The following RNF8 variants were observed in gnomAD, a reference collection of about 807,000 sequenced individuals.
RNF8 encodes E3 ubiquitin-protein ligase RNF8.
A neutral mutation model predicts 59.3 loss-of-function variants in RNF8; 8 were observed. The ratio of observed to expected loss-of-function variants is 0.13; its 90% CI spans 0.08 to 0.24. The LOEUF is 0.24. Among genes scored for constraint, RNF8 ranks in the 10% least tolerant of loss-of-function variants. The pLI is 1.00. For synonymous variants in RNF8, 162 were observed against 200.0 expected, an observed-to-expected ratio of 0.81 and a Z score of 1.60; for missense variants, 406 against 572.6, an observed-to-expected ratio of 0.71 and a Z score of 2.97.
intron 2 of RNF8, among the ~76,000 whole-genome samples, chr6:37,368,217 G>A (rs558224182): frequency 1.3e-5 from 2 of 152,224 alleles, no homozygotes; most frequent in Admixed American, 1.3e-4. Context: ...ATGTGTTTGA[G>A]TAAATTATCC....
intron 7 of RNF8, among the ~76,000 whole-genome samples, chr6:37,382,159 C>A (rs960603225): frequency 1.3e-5 from 2 of 152,132 alleles, no homozygotes; most frequent in Admixed American, 1.3e-4. Flanking sequence ...TCAGCCCTTA[C>A]GGCACAAACA....
At chr6:37,361,430 C>T (rs1438346200) in intron 2 of RNF8, 4 of 448,464 alleles carry the variant, frequency 8.9e-6, no homozygotes, top group Admixed American at 2.4e-5. Context: ...AGGGATTGCA[C>T]CTGTGAATAG....
intron 6 of RNF8, among the ~76,000 whole-genome samples, chr6:37,380,712 T>A (rs1441533238): frequency 6.6e-6 from 1 of 151,504 alleles, no homozygotes; most frequent in Non-Finnish European, 1.5e-5. Context: ...AAACGATTTC[T>A]GCCTCTGTCA....
At chr6:37,390,203 A>G (rs1770668759) in intron 7 of RNF8, among the ~76,000 whole-genome samples, 1 of 152,280 alleles carries the variant, frequency 6.6e-6, no homozygotes, top group South Asian at 2.1e-4. Flanking sequence ...ACTGTTCTAG[A>G]TGCTGAGAAT....
At chr6:37,383,299 A>G (rs560650684) in intron 7 of RNF8, among the ~76,000 whole-genome samples, 1 of 152,354 alleles carries the variant, frequency 6.6e-6, no homozygotes, top group South Asian at 2.1e-4. Context: ...TGCCAGAGCT[A>G]TCAACAGCTT....
intron 1 of RNF8, among the ~76,000 whole-genome samples, chr6:37,358,186 GAAC>G (rs1208873446): frequency 6.6e-6 from 1 of 152,100 alleles, no homozygotes. Context: ...TGGGCTTAAG[GAAC>G]AACAACAACA....
At chr6:37,389,987 A>G (rs1562100839) in intron 7 of RNF8, among the ~76,000 whole-genome samples, 1 of 152,250 alleles carries the variant, frequency 6.6e-6, no homozygotes, top group Admixed American at 6.5e-5. Context: ...TGGTGACTTT[A>G]TTGTGCCTTT....
intron 1 of RNF8, among the ~76,000 whole-genome samples, chr6:37,358,026 A>G (rs1342485296): frequency 2.0e-5 from 3 of 152,244 alleles, no homozygotes; most frequent in Non-Finnish European, 4.4e-5. Context: ...TGGGAAGCAG[A>G]CAACCAACTT....
At position 37,368,754 on chromosome 6, in the gene RNF8, A is replaced by T. The variant is rs752163615; in HGVS notation, c.511A>T (p.Asn171Tyr). The change falls in exon 3 of 8, where the codon AAT becomes TAT. Residue 171 changes from asparagine (N) to tyrosine (Y), a missense_variant. This residue lies in a region of RNF8 where 285 missense variants were observed against 342.0 expected (regional missense o/e 0.83). Coordinates refer to ENST00000373479, the MANE Select transcript of RNF8 (RefSeq NM_003958.4). ...LAGPGAEGPS[N>Y]LKSKINKVSC... ...AGGTCCTGGAGCTGAAGGCCCCTCA[A>T]ATTTGAAATCCAAAATAAATAAAGT... The T allele has an allele frequency of 6.2e-7, 1 of 1,614,206 alleles. No individual in the cohort carries two copies. The highest frequency in any genetic ancestry group is 1.7e-5 in the Admixed American group (1 of 60,032).
chr6:37,359,170 C>G (rs1383352565), intron 1 of RNF8: 2 of 447,166 alleles, frequency 4.5e-6, no homozygotes, highest in African/African-American at 4.0e-5. Flanking sequence ...AATTTCATTT[C>G]CTTCCTTCAC....
At chr6:37,367,014 T>A (rs903750948) in intron 2 of RNF8, among the ~76,000 whole-genome samples, 3 of 152,218 alleles carry the variant, frequency 2.0e-5, no homozygotes, top group African/African-American at 7.2e-5. Context: ...TTTTCCACCA[T>A]CAGCTGCTGA....
In RNF8 at chr6:37,390,917, C is replaced by A; in HGVS notation, c.*159C>A. The A allele has an allele frequency of 8.1e-7, 1 of 1,239,202 alleles. No homozygotes were observed. The highest frequency in any genetic ancestry group is 1.2e-6 in the Non-Finnish European group (1 of 844,150). The allele number at this position is 1,239,202 out of a possible 1,614,324, so 76.8% of individuals were successfully genotyped here. ...AGGAAGCCCTCAGTCACTTGCCTTC[C>A]ACGGTGGCCAGCCCTGCTGCCATCA... On this transcript the variant is annotated 3_prime_UTR_variant, in exon 8 of 8. Coordinates refer to ENST00000373479, the MANE Select transcript of RNF8 (RefSeq NM_003958.4).
chr6:37,367,518 C>T (rs771983058), intron 2 of RNF8, among the ~76,000 whole-genome samples: 6 of 152,170 alleles, frequency 3.9e-5, no homozygotes, highest in Non-Finnish European at 8.8e-5. Context: ...ATTCTCATGC[C>T]TTGGCCTCCC....
intron 3 of RNF8, 43 bp from the exon 4 acceptor site, chr6:37,371,469 T>C: frequency 6.4e-7 from 1 of 1,571,458 alleles, no homozygotes; most frequent in East Asian, 2.2e-5. Flanking sequence ...CCTTTTTTTC[T>C]TTTCCCTGCA....
intron 4 of RNF8, 146 bp downstream of exon 4, chr6:37,371,720 A>G (rs1384629293): frequency 5.1e-6 from 3 of 590,472 alleles, no homozygotes; most frequent in Admixed American, 3.1e-5. Flanking sequence ...AGCTGCTCAC[A>G]CCATCAGATC....
chr6:37,378,848 A>G (rs952365751), intron 6 of RNF8, among the ~76,000 whole-genome samples: 3 of 152,146 alleles, frequency 2.0e-5, no homozygotes, highest in African/African-American at 7.2e-5. Flanking sequence ...GAGGAAGACA[A>G]GGAACGGGGG....
chr6:37,393,690 ACCT>A lies in RNF8; in HGVS notation c.*2934_*2936del, dbSNP rs1770786138. On this transcript the variant is annotated 3_prime_UTR_variant, in exon 8 of 8. Transcript: ENST00000373479. ...TGTTAACCTAGAAAGGGCTCACTCT[ACCT>A]CTAGGCATGTTTCATCCCAACAATC... 6.6e-6 allele frequency: 1 copy of A among 152,226 alleles called. No homozygotes were observed. Among genetic ancestry groups the A allele is most frequent in the African/African-American group, 2.4e-5 (1 of 41,452 alleles). The allele number at this position is 152,226 out of a possible 1,614,324, so 9.4% of individuals were successfully genotyped here.
At chr6:37,367,772 T>C (rs1174929772) in intron 2 of RNF8, among the ~76,000 whole-genome samples, 2 of 152,214 alleles carry the variant, frequency 1.3e-5, no homozygotes, top group South Asian at 2.1e-4. Context: ...CATTATCTTA[T>C]TCATTCCTCA....
At position 37,392,635 on chromosome 6, in the gene RNF8, G is replaced by A; in HGVS notation, c.*1877G>A. On this transcript the variant is annotated 3_prime_UTR_variant, in exon 8 of 8. Transcript: ENST00000373479. ...GGCAACAGTTCCATGTCAGTACATA[G>A]TTTCCTTTCTTTATTACAGCTGCCT... 1 of 398,482 alleles carries A rather than the reference G, an allele frequency of 2.5e-6. No homozygotes were observed. The highest frequency in any genetic ancestry group is 4.4e-6 in the Non-Finnish European group (1 of 226,030). The allele number at this position is 398,482 out of a possible 1,614,324, so 24.7% of individuals were successfully genotyped here.
Sources: allele counts gnomAD v4.1 joint callset (sites outside exome capture counted in the v4.1 genomes callset), GRCh38; gene constraint gnomAD v4.1.1; regional missense constraint gnomAD v4.1.1; transcripts MANE v1.5; gene names NCBI Gene and HGNC (gene_info 2026-07-23, HGNC 2026-07-21).